The following ASAP3 variants were observed in gnomAD, a reference collection of about 807,000 sequenced individuals.
ASAP3 encodes the protein arf-GAP with SH3 domain, ANK repeat and PH domain-containing protein 3.
Under a neutral mutation model 118.2 loss-of-function variants are expected in ASAP3, and 85 were observed. That is an observed-to-expected ratio of 0.72 (90% CI 0.60 to 0.86). The LOEUF is 0.86. ASAP3 is among the 40% of genes least tolerant of loss of function. ASAP3 has a pLI of 0.00. For synonymous variants in ASAP3, 432 were observed against 477.4 expected (o/e 0.90, Z 1.24); for missense variants, 1,026 against 1,175.0 (o/e 0.87, Z 1.85).
At position 23,435,935 on chromosome 1, in the gene ASAP3, A is replaced by C. The variant is rs144216953; in HGVS notation, c.1665T>G (p.Ile555Met). Reference sequence around the variant, plus strand: ...GTACCGACAGGAGGTCCCTGTTGCAAATGGCTGTCCAGAGTCGCTGAGGCT... The same window carrying C: ...GTACCGACAGGAGGTCCCTGTTGCACATGGCTGTCCAGAGTCGCTGAGGCT... ...TPEPQRLWTA[I>M]CNRDLLSVLE... Residue 555 changes from isoleucine (I) to methionine (M), a missense_variant, in exon 17 of 25, where the codon ATT becomes ATG. Coordinates refer to ENST00000336689, the MANE Select transcript of ASAP3 (RefSeq NM_017707.4). 659 of 1,614,242 alleles carry C rather than the reference A, an allele frequency of 4.1e-4. 4 individuals carry two copies. Among genetic ancestry groups the C allele is most frequent in the Admixed American group, 3.3e-4 (20 of 60,030 alleles).
chr1:23,440,556 A>G (rs1428300339), intron 10 of ASAP3, among the ~76,000 whole-genome samples: 3 of 145,848 alleles, frequency 2.1e-5, no homozygotes, highest in South Asian at 2.2e-4. Flanking sequence ...AAGTGTTGCA[A>G]TAAGTGTTAG....
Position 23,441,713 on chromosome 1 carries a change from C to T in ASAP3, c.689G>A (p.Trp230Ter). The T allele has an allele frequency of 6.2e-7, 1 of 1,614,164 alleles. No individual in the cohort carries two copies. The highest frequency in any genetic ancestry group is 8.5e-7 in the Non-Finnish European group (1 of 1,180,026). Residue 230 changes from tryptophan (W) to a stop codon, truncating the protein, a stop_gained, in exon 8 of 25, where the codon TGG becomes TAG. Coordinates refer to ENST00000336689, the MANE Select transcript of ASAP3 (RefSeq NM_017707.4). LOFTEE classifies it high-confidence loss of function. ...GGGGAACAGGCTCTGGGCAGCCTTC[C>T]AGCCATCTTGGAAAAAGCTAAGAGG... is the stretch of plus-strand genomic sequence containing the variant. ...HAQHNFFQDGWKAAQSLFPFI... is the reference protein window; with the variant it reads ...HAQHNFFQDG
chr1:23,457,525 A>AT lies in ASAP3; in HGVS notation c.130-1332dup, dbSNP rs879341815. ...CTATGTGACCTTGAACAAGTTGCCT[A>AT]TTTTTTTTGAGACCAAGTTTTGCTC... is the stretch of plus-strand genomic sequence containing the variant. On this transcript the variant is annotated intron_variant, in intron 1 of 24. Coordinates refer to ENST00000336689, the MANE Select transcript of ASAP3 (RefSeq NM_017707.4). Among the ~76,000 whole-genome samples, 46 of 151,836 alleles carry AT rather than the reference A, an allele frequency of 3.0e-4. 1 individual carries two copies. Among genetic ancestry groups the AT allele is most frequent in the Middle Eastern group, 3.4e-3 (1 of 294 alleles).
rs1422666281 is a variant in ASAP3 at position 23,437,768 on chromosome 1, G to C, written c.1103-296C>G. On this transcript the variant is annotated intron_variant, in intron 12 of 24. Transcript: ENST00000336689. The surrounding 1 kb of genome is among the most constrained non-coding windows in gnomAD (Gnocchi z 6.1). Reference sequence around the variant, plus strand: ...CCCAGAGAACCCAGCTCTGAGGCAGGGCATCCTCTGAACCAACTGTCACCA... The same window carrying C: ...CCCAGAGAACCCAGCTCTGAGGCAGCGCATCCTCTGAACCAACTGTCACCA... 6.6e-6 allele frequency among the ~76,000 whole-genome samples: 1 copy of C among 152,084 alleles called. No individual in the cohort carries two copies. Among genetic ancestry groups the C allele is most frequent in the Non-Finnish European group, 1.5e-5 (1 of 68,014 alleles).
At chr1:23,433,973 T>C (rs1240683648) in intron 19 of ASAP3, among the ~76,000 whole-genome samples, 1 of 152,258 alleles carries the variant, frequency 6.6e-6, no homozygotes, top group Non-Finnish European at 1.5e-5. Flanking sequence ...AAACAATACA[T>C]ATTAGCTATT....
At position 23,431,775 on chromosome 1, in the gene ASAP3, G is replaced by C. The variant is rs761654342; in HGVS notation, c.2467C>G (p.Arg823Gly). 1 of 1,531,104 alleles carries C rather than the reference G, an allele frequency of 6.5e-7. No individual in the cohort carries two copies. Among genetic ancestry groups the C allele is most frequent in the Non-Finnish European group, 8.7e-7 (1 of 1,146,078 alleles). The allele number at this position is 1,531,104 out of a possible 1,614,324, so 94.8% of individuals were successfully genotyped here. The change falls in exon 23 of 25, where the codon CGA becomes GGA. Residue 823 changes from arginine to glycine, a missense_variant. Transcript: ENST00000336689. ...QAPPNSEEGL[R>G]EPPGTSRPSL... ...GGTCTGGAGGTGCCTGGGGGCTCTC[G>C]GAGGCCCTCTTCAGAGTTGGGTGGG...
intron 5 of ASAP3, among the ~76,000 whole-genome samples, chr1:23,443,451 G>A (rs1640942468): frequency 6.6e-6 from 1 of 152,190 alleles, no homozygotes; most frequent in Non-Finnish European, 1.5e-5. Context: ...GAAAGAACAT[G>A]CAGTGTTTGA....
chr1:23,457,666 A>G (rs1248470347), intron 1 of ASAP3, among the ~76,000 whole-genome samples: 3 of 152,110 alleles, frequency 2.0e-5, no homozygotes, highest in Non-Finnish European at 4.4e-5. Context: ...ACAGGTGCCC[A>G]CCACCTGGCT....
chr1:23,463,525 T>A (rs148317750), intron 1 of ASAP3, among the ~76,000 whole-genome samples: 1 of 152,340 alleles, frequency 6.6e-6, no homozygotes, highest in African/African-American at 2.4e-5. Context: ...CCCCAGCATC[T>A]CCAAAATTAT....
intron 1 of ASAP3, among the ~76,000 whole-genome samples, chr1:23,465,306 C>T (rs1489634787): frequency 1.3e-5 from 2 of 152,182 alleles, no homozygotes; most frequent in Admixed American, 6.5e-5. Context: ...AGACCTCTGC[C>T]GCCGGGCAGG....
intron 1 of ASAP3, among the ~76,000 whole-genome samples, chr1:23,456,787 A>C (rs1641401953): frequency 6.6e-6 from 1 of 152,158 alleles, no homozygotes; most frequent in African/African-American, 2.4e-5. Flanking sequence ...CCAGGATGCT[A>C]TGGGTGAGCA....
chr1:23,452,667 C>T (rs909367736), intron 4 of ASAP3, 30 bp downstream of exon 4: 2 of 1,607,776 alleles, frequency 1.2e-6, no homozygotes, highest in African/African-American at 2.7e-5. Flanking sequence ...TTTACTCTGT[C>T]CCACCACCAC....
intron 10 of ASAP3, 36 bp from the exon 11 acceptor site, chr1:23,439,266 G>C: frequency 1.2e-6 from 2 of 1,603,310 alleles, no homozygotes; most frequent in Non-Finnish European, 1.7e-6. Context: ...AGTGACCCAA[G>C]GCTCACACCT....
chr1:23,472,619 G>A (rs1241078949), intron 1 of ASAP3, among the ~76,000 whole-genome samples: 1 of 152,138 alleles, frequency 6.6e-6, no homozygotes, highest in African/African-American at 2.4e-5. Flanking sequence ...TTGCTCTGGT[G>A]CCAGGACCGC....
chr1:23,461,464 C>T (rs1199383570), intron 1 of ASAP3, among the ~76,000 whole-genome samples: 4 of 151,818 alleles, frequency 2.6e-5, no homozygotes, highest in Non-Finnish European at 5.9e-5. Flanking sequence ...GAGCCTAGTT[C>T]GAGGCCAGCC....
chr1:23,433,887 C>T (rs1287222286), intron 19 of ASAP3, among the ~76,000 whole-genome samples, 194 bp from the exon 20 acceptor site: 1 of 152,186 alleles, frequency 6.6e-6, no homozygotes, highest in African/African-American at 2.4e-5. Flanking sequence ...ATACTTGGAA[C>T]TACCTGATGA....
In ASAP3 at chr1:23,437,449, C is replaced by G; in HGVS notation, c.1126G>C (p.Ala376Pro). ...VTHNRTYHFQ[A>P]EDEHECEAWV... ...GCCTCACACTCGTGCTCGTCCTCTG[C>G]CTGAAAGTGGTACGTCCGGTTGTCT... The change falls in exon 13 of 25, where the codon GCA becomes CCA. Residue 376 changes from alanine to proline, a missense_variant. By Grantham distance (27) the Ala-to-Pro change is conservative. Coordinates refer to ENST00000336689, the MANE Select transcript of ASAP3 (RefSeq NM_017707.4). This position sits in a 1 kb window ranked among gnomAD's most constrained non-coding sequence, Gnocchi z 6.1. 1 of 1,614,098 alleles carries G rather than the reference C, an allele frequency of 6.2e-7. No homozygotes were observed. Among genetic ancestry groups the G allele is most frequent in the Non-Finnish European group, 8.5e-7 (1 of 1,180,010 alleles).
rs777261892 is a variant in ASAP3, at chr1:23,437,371, G to A, written c.1152-51C>T. On this transcript the variant is annotated intron_variant, in intron 13 of 24. Transcript: ENST00000336689. This position sits in a 1 kb window ranked among gnomAD's most constrained non-coding sequence, Gnocchi z 6.1. ...GGGGATGTCAAGTGGGAAGAGATAG[G>A]GCCGCCGGCCCCCACCCACAAGGCT... 1 of 1,610,802 alleles carries A rather than the reference G, an allele frequency of 6.2e-7. No homozygotes were observed.
At chr1:23,482,592 T>G (rs867576988) in intron 1 of ASAP3, among the ~76,000 whole-genome samples, 1 of 152,038 alleles carries the variant, frequency 6.6e-6, no homozygotes, top group African/African-American at 2.4e-5. Flanking sequence ...ATTCCACAGA[T>G]GACAGGACAG....
Sources: gnomAD v4.1 joint callset for allele counts (sites outside exome capture counted in the v4.1 genomes callset) on GRCh38, gnomAD v4.1.1 for gene constraint, Gnocchi (gnomAD v3.1) non-coding constraint, MANE v1.5 for transcripts, NCBI Gene and HGNC (gene_info 2026-07-23, HGNC 2026-07-21) for gene names.